The following KAT2A variants were observed in gnomAD, a reference collection of about 807,000 sequenced individuals.
The protein encoded by KAT2A is histone acetyltransferase KAT2A.
KAT2A carries 42 observed loss-of-function variants against 95.2 expected under a neutral mutation model. The ratio of observed to expected loss-of-function variants is 0.44; its 90% CI spans 0.34 to 0.57. The LOEUF (loss-of-function observed/expected upper bound fraction) is 0.57. KAT2A is among the 20% of genes least tolerant of loss of function. The pLI is 0.01. For synonymous variants in KAT2A, 449 were observed against 448.2 expected (o/e 1.00, Z -0.02); for missense variants, 784 against 1,126.3 (o/e 0.70, Z 4.35).
At position 42,117,174 on chromosome 17, in the gene KAT2A, G is replaced by C. The variant is rs782698391; in HGVS notation, c.1638-13C>G. 1.2e-6 allele frequency: 2 copies of C among 1,613,710 alleles called. No individual in the cohort carries two copies. Among genetic ancestry groups the C allele is most frequent in the African/African-American group, 1.3e-5 (1 of 75,044 alleles). On this transcript the variant is annotated splice_polypyrimidine_tract_variant and intron_variant, in intron 10 of 17. Coordinates refer to ENST00000225916, the MANE Select transcript of KAT2A (RefSeq NM_021078.3). The surrounding 1 kb of genome is among the most constrained non-coding windows in gnomAD (Gnocchi z 8.9). Reference sequence around the variant, plus strand: ...AGTCTTGTGCTTCCTAAGAGAGAGGGGGGCATGTCATAGCCCCTGACTGTC... The same window carrying C: ...AGTCTTGTGCTTCCTAAGAGAGAGGCGGGCATGTCATAGCCCCTGACTGTC...
In KAT2A at chr17:42,114,967, C is replaced by A. The variant is rs781887270; in HGVS notation, c.1944G>T (p.Ala648=). The change falls in exon 13 of 18, where the codon GCG becomes GCT. Residue 648 remains alanine (A), a synonymous_variant. Transcript: ENST00000225916. The surrounding 1 kb of genome is among the most constrained non-coding windows in gnomAD (Gnocchi z 6.0). ...YLGYIKDYEG[A]TLMECELNPR... is the part of the protein sequence containing the mutation. ...GATTCAGCTCACACTCCATCAGCGTCGCTCCCTCGTAGTCCTTGATGTAGC... is the reference window on the plus strand; with the variant it reads ...GATTCAGCTCACACTCCATCAGCGTAGCTCCCTCGTAGTCCTTGATGTAGC... The A allele has an allele frequency of 6.2e-7, 1 of 1,613,874 alleles. No individual in the cohort carries two copies.
Position 42,119,925 on chromosome 17 carries a change from C to T in KAT2A, c.699+105G>A, listed in dbSNP as rs553461817. 7.1e-5 allele frequency: 83 copies of T among 1,167,938 alleles called. No individual in the cohort carries two copies. Among genetic ancestry groups the T allele is most frequent in the Non-Finnish European group, 1.1e-4 (83 of 787,232 alleles). The allele number at this position is 1,167,938 out of a possible 1,614,324, so 72.3% of individuals were successfully genotyped here. A position where few individuals can be genotyped will look rare whatever the true frequency, so the allele number is the denominator to read the frequency against. On this transcript the variant is annotated intron_variant, in intron 4 of 17. Transcript: ENST00000225916. This position sits in a 1 kb window ranked among gnomAD's most constrained non-coding sequence, Gnocchi z 5.3. ...CACAAAACACCCTTCCTTCTCTGAA[C>T]CTCCCCAGTGTTCTCAGCTTGAGGA...
chr17:42,119,801 C>T lies in KAT2A; in HGVS notation c.700-83G>A. Reference sequence around the variant, plus strand: ...CCTTCTTAGACAAAGGAAGATGCTCCCTGGCCAGGGACAAGGTTCTCCTTC... The same window carrying T: ...CCTTCTTAGACAAAGGAAGATGCTCTCTGGCCAGGGACAAGGTTCTCCTTC... On this transcript the variant is annotated intron_variant, in intron 4 of 17. Transcript: ENST00000225916. This position sits in a 1 kb window ranked among gnomAD's most constrained non-coding sequence, Gnocchi z 5.3. 8.0e-7 allele frequency: 1 copy of T among 1,247,394 alleles called. No homozygotes were observed. The highest frequency in any genetic ancestry group is 1.1e-6 in the Non-Finnish European group (1 of 897,682). The allele number at this position is 1,247,394 out of a possible 1,614,324, so 77.3% of individuals were successfully genotyped here.
Position 42,120,133 on chromosome 17 carries a change from G to A in KAT2A, c.610-14C>T. The stretch of plus-strand genomic sequence containing the variant: ...TTTCCGCAGTAGCTAGAGAGAAGAG[G>A]AAGGGGGCATAGAGGGGAGGGGGGC... On this transcript the variant is annotated splice_polypyrimidine_tract_variant and intron_variant, in intron 3 of 17. Transcript: ENST00000225916. 4 of 1,614,106 alleles carry A rather than the reference G, an allele frequency of 2.5e-6. No individual in the cohort carries two copies. Among genetic ancestry groups the A allele is most frequent in the South Asian group, 1.1e-5 (1 of 91,084 alleles).
intron 7 of KAT2A, 28 bp from the exon 8 acceptor site, chr17:42,118,045 G>T (rs782270059): frequency 9.7e-6 from 13 of 1,342,540 alleles, no homozygotes; most frequent in South Asian, 1.4e-5. Context: ...CGTCAGGGAT[G>T]GGGGGCTGAA....
chr17:42,115,738 G>C lies in KAT2A; in HGVS notation c.1860C>G (p.Gly620=), dbSNP rs200107980. 1 of 1,610,062 alleles carries C rather than the reference G, an allele frequency of 6.2e-7. No homozygotes were observed. The highest frequency in any genetic ancestry group is 8.5e-7 in the Non-Finnish European group (1 of 1,176,324). ...TACGGGTCACCTGCTTTTTGAAGTAGCCGATGGCGTACTCGTCGGCGTAGG... is the reference window on the plus strand; with the variant it reads ...TACGGGTCACCTGCTTTTTGAAGTACCCGATGGCGTACTCGTCGGCGTAGG... The part of the protein sequence containing the change: ...FLTYADEYAI[G]YFKKQGFSKD... Residue 620 remains glycine, a synonymous_variant, in exon 12 of 18, where the codon GGC becomes GGG. Coordinates refer to ENST00000225916, the MANE Select transcript of KAT2A (RefSeq NM_021078.3).
At position 42,117,507 on chromosome 17, in the gene KAT2A, G is replaced by A. The variant is rs1555666225; in HGVS notation, c.1518C>T (p.Asn506=). 2 of 1,613,722 alleles carry A rather than the reference G, an allele frequency of 1.2e-6. No homozygotes were observed. The highest frequency in any genetic ancestry group is 1.7e-6 in the Non-Finnish European group (2 of 1,180,042). The change falls in exon 10 of 18, where the codon AAC becomes AAT. Residue 506 remains asparagine (N), a synonymous_variant. Transcript: ENST00000225916. The surrounding 1 kb of genome is among the most constrained non-coding windows in gnomAD (Gnocchi z 8.9). The part of the protein sequence containing the change: ...RGIIEFHVIG[N]SLTPKANRRV... ...GCCGGTTGGCCTTGGGCGTCAGTGA[G>A]TTGCCGATGACATGGAACTCGATGA...
At position 42,114,345 on chromosome 17, in the gene KAT2A, C is replaced by T; in HGVS notation, c.2171+13G>A. ...CTCTGCCCCACCCCCAACCCGGCTCCTTTGACACTCACCCCTTCTCCTTCC... is the reference window on the plus strand; with the variant it reads ...CTCTGCCCCACCCCCAACCCGGCTCTTTTGACACTCACCCCTTCTCCTTCC... On this transcript the variant is annotated intron_variant, in intron 15 of 17. Coordinates refer to ENST00000225916, the MANE Select transcript of KAT2A (RefSeq NM_021078.3). The surrounding 1 kb of genome is among the most constrained non-coding windows in gnomAD (Gnocchi z 6.0). 6.2e-7 allele frequency: 1 copy of T among 1,614,058 alleles called. No homozygotes were observed. Among genetic ancestry groups the T allele is most frequent in the Non-Finnish European group, 8.5e-7 (1 of 1,179,968 alleles).
chr17:42,115,937 G>C, intron 11 of KAT2A, 104 bp from the exon 12 acceptor site: 1 of 745,696 alleles, frequency 1.3e-6, no homozygotes, highest in East Asian at 2.5e-5. Flanking sequence ...AGGAGGTAGA[G>C]AGAGCGAGAG....
rs909895899 is a variant in KAT2A at position 42,115,529 on chromosome 17, A to T, written c.1875+194T>A. ...ACCCCCAGTTCCTCCGGCCTGCTCT[A>T]CTGGCCCCACAGGCCCTCATTCTCC... On this transcript the variant is annotated intron_variant, in intron 12 of 17. Transcript: ENST00000225916. Among the ~76,000 whole-genome samples the T allele has an allele frequency of 4.0e-5, 6 of 149,000 alleles. No homozygotes were observed. The East Asian group carries it at 1.2e-3, about 30-fold the overall frequency.
At position 42,119,988 on chromosome 17, in the gene KAT2A, C is replaced by T. The variant is rs781798774; in HGVS notation, c.699+42G>A. On this transcript the variant is annotated intron_variant, in intron 4 of 17. Coordinates refer to ENST00000225916, the MANE Select transcript of KAT2A (RefSeq NM_021078.3). This position sits in a 1 kb window ranked among gnomAD's most constrained non-coding sequence, Gnocchi z 5.3. ...CAGGCTCCCCACTCCTCCAAGCTGT[C>T]CCCAATTCTCCTATCCGCTATCTCC... The T allele has an allele frequency of 6.5e-7, 1 of 1,529,838 alleles. No homozygotes were observed. The highest frequency in any genetic ancestry group is 1.7e-5 in the Admixed American group (1 of 59,864). 94.8% of individuals were successfully genotyped at this position (1,529,838 alleles called of 1,614,324 possible).
chr17:42,117,185 T>C lies in KAT2A; in HGVS notation c.1638-24A>G, dbSNP rs2144035553. On this transcript the variant is annotated intron_variant, in intron 10 of 17. Transcript: ENST00000225916. This position sits in a 1 kb window ranked among gnomAD's most constrained non-coding sequence, Gnocchi z 8.9. ...TCCTAAGAGAGAGGGGGGCATGTCA[T>C]AGCCCCTGACTGTCCCCTTCAGGTC... The C allele has an allele frequency of 6.2e-7, 1 of 1,613,344 alleles. No homozygotes were observed. Among genetic ancestry groups the C allele is most frequent in the East Asian group, 2.2e-5 (1 of 44,880 alleles).
Position 42,114,325 on chromosome 17 carries a change from C to T in KAT2A, c.2171+33G>A, listed in dbSNP as rs2054220988. The T allele has an allele frequency of 6.2e-7, 1 of 1,613,776 alleles. No individual in the cohort carries two copies. The highest frequency in any genetic ancestry group is 1.1e-5 in the South Asian group (1 of 91,070). On this transcript the variant is annotated intron_variant, in intron 15 of 17. Coordinates refer to ENST00000225916, the MANE Select transcript of KAT2A (RefSeq NM_021078.3). This position sits in a 1 kb window ranked among gnomAD's most constrained non-coding sequence, Gnocchi z 6.0. ...AAGTCTGAGGCTCCAAGTCCCTCTG[C>T]CCCACCCCCAACCCGGCTCCTTTGA...
chr17:42,116,958 A>G, intron 11 of KAT2A, 77 bp downstream of exon 11: 1 of 1,555,970 alleles, frequency 6.4e-7, no homozygotes, highest in Non-Finnish European at 8.8e-7. Flanking sequence ...TGCATGCCAC[A>G]CATCCTGCTG....
rs782100844 is a variant in KAT2A, at chr17:42,117,074, C to T, written c.1725G>A (p.Glu575=). The T allele has an allele frequency of 3.1e-6, 5 of 1,614,186 alleles. No homozygotes were observed. The highest frequency in any genetic ancestry group is 2.2e-5 in the East Asian group (1 of 44,878). Residue 575 remains glutamate, a synonymous_variant, in exon 11 of 18, where the codon GAG becomes GAA. Coordinates refer to ENST00000225916, the MANE Select transcript of KAT2A (RefSeq NM_021078.3). This position sits in a 1 kb window ranked among gnomAD's most constrained non-coding sequence, Gnocchi z 8.9. ...FRMFPTQGFT[E]IVFCAVTSNE... Reference sequence around the variant, plus strand: ...TCGAGGTGACAGCACAGAAGACAATCTCCGTGAAGCCCTGGGTGGGAAACA... The same window carrying T: ...TCGAGGTGACAGCACAGAAGACAATTTCCGTGAAGCCCTGGGTGGGAAACA...
chr17:42,115,442 G>GCC (rs568956296), intron 12 of KAT2A, among the ~76,000 whole-genome samples: 2 of 105,558 alleles, frequency 1.9e-5, no homozygotes, highest in Non-Finnish European at 3.7e-5. Context: ...CTGCTCTAGT[G>GCC]CCCCCCCCAG....
intron 6 of KAT2A, 65 bp from the exon 7 acceptor site, chr17:42,118,468 A>ACCCTG: frequency 8.6e-7 from 1 of 1,160,764 alleles, no homozygotes; most frequent in Non-Finnish European, 1.3e-6. Flanking sequence ...GCCAGGCAGC[A>ACCCTG]GAGGGACTGG....
intron 11 of KAT2A, among the ~76,000 whole-genome samples, chr17:42,116,818 A>G (rs571485945): frequency 2.6e-5 from 4 of 152,286 alleles, no homozygotes; most frequent in Non-Finnish European, 5.9e-5. Context: ...CAGGTCCACC[A>G]AAGTGTGGCT....
In KAT2A at chr17:42,113,629, G is replaced by A; in HGVS notation, c.*20C>T. 2 of 1,598,812 alleles carry A rather than the reference G, an allele frequency of 1.3e-6. No homozygotes were observed. Among genetic ancestry groups the A allele is most frequent in the South Asian group, 2.2e-5 (2 of 89,518 alleles). On this transcript the variant is annotated 3_prime_UTR_variant, in exon 18 of 18. Transcript: ENST00000225916. ...CGAGGTGGAGACATTCCAGGTCAGG[G>A]CTGCGGCCCAAAGATGGGCCTACTT...
Sources: gnomAD v4.1 joint callset for allele counts (sites outside exome capture counted in the v4.1 genomes callset) on GRCh38, gnomAD v4.1.1 for gene constraint, Gnocchi (gnomAD v3.1) non-coding constraint, MANE v1.5 for transcripts, NCBI Gene and HGNC (gene_info 2026-07-23, HGNC 2026-07-21) for gene names.